The following SLC12A3 variants were observed in gnomAD, a reference collection of about 807,000 sequenced individuals.
SLC12A3 encodes the protein Na-Cl cotransporter.
SLC12A3 carries 104 observed loss-of-function variants against 121.0 expected under a neutral mutation model. The observed-to-expected ratio is 0.86, with a 90% CI of 0.73 to 1.01. SLC12A3 has a LOEUF of 1.01. Among genes scored for constraint, SLC12A3 ranks in the 50% least tolerant of loss-of-function variants. The pLI, the probability that SLC12A3 is intolerant of heterozygous loss-of-function variation, is 0.00. For missense variants in SLC12A3, 1,328 were observed against 1,356.3 expected (o/e 0.98, Z 0.33); for synonymous variants, 536 against 533.4 (o/e 1.00, Z -0.07).
intron 25 of SLC12A3, among the ~76,000 whole-genome samples, chr16:56,911,565 TCTGC>T (rs2055685969): frequency 6.6e-6 from 1 of 152,162 alleles, no homozygotes; most frequent in African/African-American, 2.4e-5. Flanking sequence ...GCTCAAGTGA[TCTGC>T]CCACCTCGGC....
intron 19 of SLC12A3, 112 bp downstream of exon 19, chr16:56,890,468 G>A (rs1459629472): frequency 1.2e-5 from 10 of 851,226 alleles, no homozygotes; most frequent in South Asian, 2.8e-5. Context: ...ATAGAAAGTC[G>A]CCTCTTAATG....
Position 56,867,022 on chromosome 16 carries a change from C to A in SLC12A3, c.283-48C>A, listed in dbSNP as rs570332305. On this transcript the variant is annotated intron_variant, in intron 1 of 25. Transcript: ENST00000563236. ...GTCAGTGGGCTGGATGCAGAGACGC[C>A]GTCCCTAGCACCCCTACCTGCCTGA... is the stretch of plus-strand genomic sequence containing the variant. 1.2e-5 allele frequency: 20 copies of A among 1,602,410 alleles called. 1 individual carries two copies. Among genetic ancestry groups the A allele is most frequent in the South Asian group, 3.3e-5 (3 of 91,010 alleles).
chr16:56,904,305 G>A (rs769802061), intron 24 of SLC12A3, 90 bp from the exon 25 acceptor site: 7 of 1,182,112 alleles, frequency 5.9e-6, no homozygotes, highest in Admixed American at 5.1e-5. Context: ...CATGAATCCA[G>A]TTGAAAATGT....
chr16:56,880,282 T>C, intron 12 of SLC12A3, 29 bp downstream of exon 12: 1 of 1,560,654 alleles, frequency 6.4e-7, no homozygotes, highest in East Asian at 2.4e-5. Flanking sequence ...TCACAGGGCC[T>C]GGCCTCCTGT....
chr16:56,868,863 C>T (rs549505423), intron 3 of SLC12A3, among the ~76,000 whole-genome samples: 19 of 152,100 alleles, frequency 1.2e-4, no homozygotes, highest in African/African-American at 2.2e-4. Flanking sequence ...ATCCCAGCTA[C>T]TCGGGAGGCT....
At position 56,886,439 on chromosome 16, in the gene SLC12A3, G is replaced by C; in HGVS notation, c.2001G>C (p.Arg667=). The C allele has an allele frequency of 1.2e-6, 2 of 1,614,058 alleles. No homozygotes were observed. Among genetic ancestry groups the C allele is most frequent in the Non-Finnish European group, 1.7e-6 (2 of 1,180,018 alleles). The change falls in exon 16 of 26, where the codon CGG becomes CGC. Residue 667 remains arginine (R), a synonymous_variant. Coordinates refer to ENST00000563236, the MANE Select transcript of SLC12A3 (RefSeq NM_001126108.2). The stretch of plus-strand genomic sequence containing the variant: ...TGGACTTTGTGGGCACCTTCACCCG[G>C]AACCTCAGCCTGATGATCTGTGGCC... The part of the protein sequence containing the change: ...ALVDFVGTFT[R]NLSLMICGHV...
At chr16:56,898,253 G>T (rs377719564) in intron 22 of SLC12A3, among the ~76,000 whole-genome samples, 1,819 of 151,566 alleles carry the variant, frequency 0.012, 62 homozygotes, top group Non-Finnish European at 0.018. Context: ...AGTTTGATTT[G>T]GTTTTGTTTT....
intron 8 of SLC12A3, among the ~76,000 whole-genome samples, chr16:56,874,106 G>A (rs1306622142): frequency 2.6e-5 from 4 of 152,186 alleles, no homozygotes; most frequent in Admixed American, 1.3e-4. Flanking sequence ...GGCCAAACGC[G>A]TATCTGTTGC....
In SLC12A3 at chr16:56,899,558, C is replaced by G; in HGVS notation, c.2662C>G (p.Leu888Val). 1 of 1,614,112 alleles carries G rather than the reference C, an allele frequency of 6.2e-7. No homozygotes were observed. ...CATTTCTCTGCTGAGCAAGTTCCGA[C>G]TGGGATTCCATGAAGTCCACATCCT... Reference protein sequence around the residue: ...AIISLLSKFRLGFHEVHILPD... With the variant: ...AIISLLSKFRVGFHEVHILPD... The change falls in exon 23 of 26, where the codon CTG becomes GTG. Residue 888 changes from leucine (L) to valine (V), a missense_variant. Coordinates refer to ENST00000563236, the MANE Select transcript of SLC12A3 (RefSeq NM_001126108.2).
At chr16:56,879,327 G>C in intron 10 of SLC12A3, 100 bp downstream of exon 10, 1 of 1,494,844 alleles carries the variant, frequency 6.7e-7, no homozygotes, top group South Asian at 1.1e-5. Context: ...ACATAGTTTT[G>C]GGGGTTGAGG....
At chr16:56,866,640 G>A (rs1337631732) in intron 1 of SLC12A3, among the ~76,000 whole-genome samples, 3 of 152,080 alleles carry the variant, frequency 2.0e-5, no homozygotes, top group African/African-American at 4.8e-5. Flanking sequence ...GAGCAGGAGC[G>A]CCCAGGACTC....
chr16:56,912,650 G>A (rs531652378), intron 25 of SLC12A3, among the ~76,000 whole-genome samples: 16 of 152,340 alleles, frequency 1.1e-4, no homozygotes, highest in African/African-American at 3.8e-4. Context: ...TAGGCACTGG[G>A]AAAAGGGGGG....
intron 1 of SLC12A3, among the ~76,000 whole-genome samples, chr16:56,865,986 CTTTTCT>C (rs749225490): frequency 0.032 from 3,022 of 94,956 alleles, 52 homozygotes; most frequent in African/African-American, 0.096. Context: ...CTTTTCTTTT[CTTTTCT>C]TTTTTTTTTT....
chr16:56,908,716 T>A (rs969786509), intron 25 of SLC12A3, among the ~76,000 whole-genome samples: 1 of 152,062 alleles, frequency 6.6e-6, no homozygotes, highest in Non-Finnish European at 1.5e-5. Flanking sequence ...GCCCCGTGTT[T>A]CCTTGGAGAA....
chr16:56,880,589 A>G (rs2055227772), intron 12 of SLC12A3, among the ~76,000 whole-genome samples: 1 of 152,112 alleles, frequency 6.6e-6, no homozygotes, highest in Non-Finnish European at 1.5e-5. Context: ...GGCCTAAATG[A>G]ACCCCAGAAC....
At chr16:56,884,273 C>CAACTGGGGCGGAGGGCAG in intron 14 of SLC12A3, 69 bp downstream of exon 14, 1 of 1,546,222 alleles carries the variant, frequency 6.5e-7, no homozygotes, top group Non-Finnish European at 8.9e-7. Flanking sequence ...CCCTGCCCTC[C>CAACTGGGGCGGAGGGCAG]GCCCCAGTTG....
rs76178447 is a variant in SLC12A3, at chr16:56,885,177, C to T, written c.1826-88C>T. On this transcript the variant is annotated intron_variant, in intron 14 of 25. Coordinates refer to ENST00000563236, the MANE Select transcript of SLC12A3 (RefSeq NM_001126108.2). Reference sequence around the variant, plus strand: ...CGGGTGCCCGGTGCCTAGAGAAGGCCGACATTACCTCTGTCCCTCCACGTG... The same window carrying T: ...CGGGTGCCCGGTGCCTAGAGAAGGCTGACATTACCTCTGTCCCTCCACGTG... The T allele has an allele frequency of 3.6e-4, 318 of 887,284 alleles. No homozygotes were observed. The East Asian group carries it at 4.1e-3, about 11-fold the overall frequency. 55.0% of individuals were successfully genotyped at this position (887,284 alleles called of 1,614,324 possible).
In SLC12A3 at chr16:56,899,614, G is replaced by C. The variant is rs752291081; in HGVS notation, c.2718G>C (p.Glu906Asp). ...LPDINQNPRA[E>D]HTKRFEDMIA... ...ACATCAACCAGAACCCTCGGGCTGA[G>C]CAGTAAGTTCTGTTTTGGGGCTTCC... Residue 906 changes from glutamate to aspartate, a missense_variant and splice_region_variant, in exon 23 of 26, where the codon GAG (glutamate) becomes GAC (aspartate). Transcript: ENST00000563236. 3 of 1,612,698 alleles carry C rather than the reference G, an allele frequency of 1.9e-6. No homozygotes were observed. The African/African-American group carries it at 4.0e-5, about 22-fold the overall frequency.
chr16:56,894,365 C>T lies in SLC12A3; in HGVS notation c.2522-166C>T, dbSNP rs13306678. Among the ~76,000 whole-genome samples the T allele has an allele frequency of 0.096, 14,551 of 152,148 alleles. 875 individuals carry two copies. The highest frequency in any genetic ancestry group is 0.23 in the East Asian group (1,185 of 5,168). On this transcript the variant is annotated intron_variant, in intron 21 of 25. Transcript: ENST00000563236. ...AAATAAACCCTACCCCACAGAGCACCGTGTGCGACTTGAATTCAGTCAGCC... is the reference window on the plus strand; with the variant it reads ...AAATAAACCCTACCCCACAGAGCACTGTGTGCGACTTGAATTCAGTCAGCC...
Sources: allele counts gnomAD v4.1 joint callset (sites outside exome capture counted in the v4.1 genomes callset), GRCh38; gene constraint gnomAD v4.1.1; transcripts MANE v1.5; gene names NCBI Gene and HGNC (gene_info 2026-07-23, HGNC 2026-07-21).